LRRC38: variants seen among roughly 807,000 people sequenced by gnomAD.
LRRC38 encodes the protein leucine rich repeat containing 38, also known as leucine-rich repeat-containing protein 38.
LRRC38 carries 5 observed loss-of-function variants against 16.4 expected under a neutral mutation model. The ratio of observed to expected loss-of-function variants is 0.31; its 90% confidence interval spans 0.16 to 0.64. The LOEUF is 0.64. Ranked by LOEUF, LRRC38 falls within the 30% of genes least tolerant of loss-of-function variation. The pLI is 0.80. For synonymous variants in LRRC38, 191 were observed against 190.2 expected, an observed-to-expected ratio of 1.00 and a Z score of -0.04; for missense variants, 341 against 401.8, an observed-to-expected ratio of 0.85 and a Z score of 1.29.
chr1:13,500,230 G>A (rs557390129), intron 1 of LRRC38, among the ~76,000 whole-genome samples: 57 of 141,596 alleles, frequency 4.0e-4, no homozygotes, highest in African/African-American at 8.0e-4. Flanking sequence ...ACTCCAGCCC[G>A]GGCGACAGAG....
chr1:13,489,323 G>T (rs1479742238), intron 1 of LRRC38, among the ~76,000 whole-genome samples: 1 of 152,116 alleles, frequency 6.6e-6, no homozygotes, highest in Non-Finnish European at 1.5e-5. Flanking sequence ...AAACCCAAAG[G>T]CCCAAGAAAT....
At position 13,480,293 on chromosome 1, in the gene LRRC38, C is replaced by T. The variant is rs141987330; in HGVS notation, c.632-4194G>A. On this transcript the variant is annotated intron_variant, in intron 1 of 1. Coordinates refer to ENST00000376085, the MANE Select transcript of LRRC38 (RefSeq NM_001010847.2). ...CCCGGAGGTAGAGGCTGCAGTGAGCCGAGACCACGCCATTGCACTCCAGCC... is the reference window on the plus strand; with the variant it reads ...CCCGGAGGTAGAGGCTGCAGTGAGCTGAGACCACGCCATTGCACTCCAGCC... Among the ~76,000 whole-genome samples the T allele has an allele frequency of 3.0e-4, 45 of 152,286 alleles. No homozygotes were observed. The East Asian group carries it at 4.4e-3, about 15-fold the overall frequency.
chr1:13,512,033 T>C (rs1428605151), intron 1 of LRRC38, among the ~76,000 whole-genome samples: 1 of 152,158 alleles, frequency 6.6e-6, no homozygotes, highest in East Asian at 1.9e-4. Context: ...CCAATTCTGC[T>C]GAAATCTTGG....
chr1:13,494,783 T>G (rs1014443322), intron 1 of LRRC38, among the ~76,000 whole-genome samples: 4 of 152,224 alleles, frequency 2.6e-5, no homozygotes, highest in Admixed American at 2.0e-4. Flanking sequence ...CTCTGAGCTG[T>G]GCTTTCCTAC....
chr1:13,489,758 C>G (rs1342903619), intron 1 of LRRC38, among the ~76,000 whole-genome samples: 1 of 152,186 alleles, frequency 6.6e-6, no homozygotes, highest in East Asian at 1.9e-4. Flanking sequence ...TGTTCTCCAC[C>G]ACCACTTTCA....
At position 13,487,179 on chromosome 1, in the gene LRRC38, A is replaced by G. The variant is rs937648198; in HGVS notation, c.632-11080T>C. 6.6e-6 allele frequency among the ~76,000 whole-genome samples: 1 copy of G among 152,166 alleles called. No homozygotes were observed. Among genetic ancestry groups the G allele is most frequent in the African/African-American group, 2.4e-5 (1 of 41,440 alleles). ...TGCAACAAATTCCTTCCCTGCCTAC[A>G]TTAGTCAGAGTTGGCTTCTGTTGTT... On this transcript the variant is annotated intron_variant, in intron 1 of 1. Coordinates refer to ENST00000376085, the MANE Select transcript of LRRC38 (RefSeq NM_001010847.2). The surrounding 1 kb of genome is among the most constrained non-coding windows in gnomAD (Gnocchi z 4.4).
Position 13,481,773 on chromosome 1 carries a change from CT to C in LRRC38, c.632-5675del, listed in dbSNP as rs1638870214. ...TCTCACTTTCTTTCCCTCTCTCTCC[CT>C]CTCTCCCTCTCTCCCTCTCTCTCTC... On this transcript the variant is annotated intron_variant, in intron 1 of 1. Transcript: ENST00000376085. Among the ~76,000 whole-genome samples, 3 of 25,626 alleles carry C rather than the reference CT, an allele frequency of 1.2e-4. 1 individual carries two copies. The South Asian group carries it at 3.5e-3, about 30-fold the overall frequency. The allele number at this position is 25,626 out of a possible 152,430, so 16.8% of individuals were successfully genotyped here.
At chr1:13,510,696 C>G (rs1186268982) in intron 1 of LRRC38, among the ~76,000 whole-genome samples, 1 of 152,154 alleles carries the variant, frequency 6.6e-6, no homozygotes, top group African/African-American at 2.4e-5. Flanking sequence ...GAGCACCTAC[C>G]ACACGCCAAG....
In LRRC38 at chr1:13,475,748, G is replaced by A. The variant is rs925011816; in HGVS notation, c.*98C>T. 11 of 1,446,214 alleles carry A rather than the reference G, an allele frequency of 7.6e-6. No individual in the cohort carries two copies. The African/African-American group carries it at 1.3e-4, about 17-fold the overall frequency. The allele number at this position is 1,446,214 out of a possible 1,614,324, so 89.6% of individuals were successfully genotyped here. A position where few individuals can be genotyped will look rare whatever the true frequency, so the allele number is the denominator to read the frequency against. ...AACAGGCTCTGTTCAGTTCACAGATGGTGGCCAGTGCTTTTCCATTTTCAG... is the reference window on the plus strand; with the variant it reads ...AACAGGCTCTGTTCAGTTCACAGATAGTGGCCAGTGCTTTTCCATTTTCAG... On this transcript the variant is annotated 3_prime_UTR_variant, in exon 2 of 2. Transcript: ENST00000376085. This position sits in a 1 kb window ranked among gnomAD's most constrained non-coding sequence, Gnocchi z 4.3.
chr1:13,502,421 C>T (rs1639162019), intron 1 of LRRC38, among the ~76,000 whole-genome samples: 1 of 152,142 alleles, frequency 6.6e-6, no homozygotes, highest in Non-Finnish European at 1.5e-5. Flanking sequence ...TTGCTGCTCC[C>T]AGGCACTGGC....
At chr1:13,479,623 C>T (rs1408382366) in intron 1 of LRRC38, among the ~76,000 whole-genome samples, 1 of 152,226 alleles carries the variant, frequency 6.6e-6, no homozygotes, top group Non-Finnish European at 1.5e-5. Context: ...ACGGTGCACA[C>T]AAGCCCACCA....
chr1:13,481,772 CCTCTCTCCCTCT>C (rs1638869821), intron 1 of LRRC38, among the ~76,000 whole-genome samples: 2 of 30,078 alleles, frequency 6.6e-5, no homozygotes, highest in African/African-American at 6.1e-4. Flanking sequence ...CCTCTCTCTC[CCTCTCTCCCTCT>C]CTCCCTCTCT....
At chr1:13,502,791 G>A (rs371590607) in intron 1 of LRRC38, among the ~76,000 whole-genome samples, 4 of 152,206 alleles carry the variant, frequency 2.6e-5, no homozygotes, top group African/African-American at 7.2e-5. Flanking sequence ...GACCTGTCAA[G>A]TGAAGGAGGT....
At chr1:13,493,050 G>A (rs946407281) in intron 1 of LRRC38, among the ~76,000 whole-genome samples, 6 of 152,318 alleles carry the variant, frequency 3.9e-5, no homozygotes, top group East Asian at 1.9e-4. Context: ...ATATCTTCCC[G>A]TGAGTGCAGG....
chr1:13,509,576 C>A (rs1639252464), intron 1 of LRRC38, among the ~76,000 whole-genome samples: 1 of 152,258 alleles, frequency 6.6e-6, no homozygotes, highest in Admixed American at 6.5e-5. Flanking sequence ...CCCAGAGCCC[C>A]AGTGTACCCA....
At chr1:13,480,232 C>T (rs113665601) in intron 1 of LRRC38, among the ~76,000 whole-genome samples, 16 of 152,344 alleles carry the variant, frequency 1.1e-4, no homozygotes, top group African/African-American at 3.4e-4. Flanking sequence ...GTAATCCCAG[C>T]TACTTGGGAG....
At chr1:13,492,968 T>TG (rs1389746546) in intron 1 of LRRC38, among the ~76,000 whole-genome samples, 2 of 152,184 alleles carry the variant, frequency 1.3e-5, no homozygotes, top group Non-Finnish European at 2.9e-5. Context: ...GGGAGTTCCC[T>TG]GGGGGCCACG....
chr1:13,484,817 TCTGCAG>T (rs1193388430), intron 1 of LRRC38, among the ~76,000 whole-genome samples: 21 of 152,290 alleles, frequency 1.4e-4, no homozygotes, highest in African/African-American at 4.3e-4. Context: ...CAAAACAAAC[TCTGCAG>T]CTGGTACTGG....
At chr1:13,504,445 G>A (rs1037158083) in intron 1 of LRRC38, among the ~76,000 whole-genome samples, 7 of 152,088 alleles carry the variant, frequency 4.6e-5, no homozygotes, top group Admixed American at 1.3e-4. Flanking sequence ...ATGAGGCTGG[G>A]CACAGTGGCT....
Sources: allele counts gnomAD v4.1 joint callset (sites outside exome capture counted in the v4.1 genomes callset), GRCh38; gene constraint gnomAD v4.1.1; non-coding constraint Gnocchi (gnomAD v3.1); transcripts MANE v1.5; gene names NCBI Gene and HGNC (gene_info 2026-07-23, HGNC 2026-07-21).